The following GRIA4 variants were observed in gnomAD, a reference collection of about 807,000 sequenced individuals.
GRIA4 encodes glutamate receptor 4.
In GRIA4, 34 loss-of-function variants were observed where a neutral mutation model predicts 104.0. The ratio of observed to expected loss-of-function variants is 0.33; its 90% CI spans 0.25 to 0.44. The LOEUF is 0.44. GRIA4 is among the 20% of genes least tolerant of loss of function. The pLI, the probability that GRIA4 is intolerant of heterozygous loss-of-function variation, is 1.00. For synonymous variants in GRIA4, 386 were observed against 381.9 expected, an observed-to-expected ratio of 1.01 and a Z score of -0.13; for missense variants, 750 against 1,096.5, an observed-to-expected ratio of 0.68 and a Z score of 4.46.
At chr11:105,648,138 A>G (rs1234695506) in intron 3 of GRIA4, among the ~76,000 whole-genome samples, 1 of 151,986 alleles carries the variant, frequency 6.6e-6, no homozygotes, top group Non-Finnish European at 1.5e-5. Flanking sequence ...TAGAAGATAA[A>G]TGACATAGTG....
chr11:105,809,605 T>C (rs529188411), intron 4 of GRIA4, among the ~76,000 whole-genome samples: 1 of 152,190 alleles, frequency 6.6e-6, no homozygotes, highest in South Asian at 2.1e-4. Context: ...GTTCTCACAA[T>C]ATCTGATGGT....
intron 3 of GRIA4, among the ~76,000 whole-genome samples, chr11:105,634,353 C>CA (rs1267208067): frequency 0.056 from 2,765 of 49,648 alleles, 94 homozygotes; most frequent in African/African-American, 0.13. Flanking sequence ...TCTCCGTCTC[C>CA]AAAAAAAAAA....
At chr11:105,768,574 T>C (rs1941061596) in intron 4 of GRIA4, among the ~76,000 whole-genome samples, 2 of 152,048 alleles carry the variant, frequency 1.3e-5, no homozygotes, top group Admixed American at 1.3e-4. Flanking sequence ...TTTTCACAAA[T>C]AGAACTCACC....
intron 5 of GRIA4, among the ~76,000 whole-genome samples, chr11:105,878,512 C>T (rs1945919456): frequency 6.6e-6 from 1 of 152,186 alleles, no homozygotes; most frequent in Non-Finnish European, 1.5e-5. Flanking sequence ...AAGCTGTGCC[C>T]ACAGCCACCC....
chr11:105,884,070 T>C (rs890767448), intron 5 of GRIA4, among the ~76,000 whole-genome samples: 2 of 152,172 alleles, frequency 1.3e-5, no homozygotes, highest in Admixed American at 1.3e-4. Flanking sequence ...GAAGCACCGT[T>C]TCTTTCAAAA....
Position 105,633,578 on chromosome 11 carries a change from T to C in GRIA4, c.247+21144T>C, listed in dbSNP as rs182963628. Reference sequence around the variant, plus strand: ...AATTGCACTGGAGTTTAGAGACTATTAAAGAAAAACAAACTTATCTTCCAT... The same window carrying C: ...AATTGCACTGGAGTTTAGAGACTATCAAAGAAAAACAAACTTATCTTCCAT... On this transcript the variant is annotated intron_variant, in intron 3 of 16. Transcript: ENST00000282499. 4.2e-3 allele frequency among the ~76,000 whole-genome samples: 635 copies of C among 152,282 alleles called. 14 individuals are homozygous for C. Among genetic ancestry groups the C allele is most frequent in the Admixed American group, 5.2e-3 (80 of 15,300 alleles).
chr11:105,880,340 A>G (rs1946002230), intron 5 of GRIA4, among the ~76,000 whole-genome samples: 1 of 152,228 alleles, frequency 6.6e-6, no homozygotes, highest in Non-Finnish European at 1.5e-5. Flanking sequence ...AGGCAGAGAG[A>G]AGGATATACT....
intron 4 of GRIA4, among the ~76,000 whole-genome samples, chr11:105,854,558 C>T (rs977056242): frequency 4.6e-5 from 7 of 152,030 alleles, no homozygotes; most frequent in African/African-American, 1.4e-4. Context: ...TAGTGCAAAG[C>T]GGGCAAAGGT....
intron 10 of GRIA4, among the ~76,000 whole-genome samples, chr11:105,916,957 A>T (rs993577951): frequency 1.7e-4 from 26 of 152,072 alleles, no homozygotes; most frequent in South Asian, 6.2e-4. Flanking sequence ...AGGTTATTTT[A>T]AAAAAAAGAG....
At chr11:105,885,266 T>C (rs1946214081) in intron 5 of GRIA4, among the ~76,000 whole-genome samples, 1 of 152,148 alleles carries the variant, frequency 6.6e-6, no homozygotes, top group Admixed American at 6.5e-5. Context: ...ATCACTCAAG[T>C]CTAGATTGCC....
intron 3 of GRIA4, among the ~76,000 whole-genome samples, chr11:105,726,276 G>GA (rs930884829): frequency 2.0e-5 from 3 of 152,092 alleles, no homozygotes; most frequent in Non-Finnish European, 4.4e-5. Context: ...AACCCTCTGG[G>GA]AAGTACAAAC....
Position 105,918,876 on chromosome 11 carries a change from C to T in GRIA4, c.1434C>T (p.Asp478=). The part of the protein sequence containing the change: ...PDGKYGARDA[D]TKIWNGMVGE... Reference sequence around the variant, plus strand: ...GAAAATATGGAGCAAGGGATGCAGACACAAAAATCTGGAATGGGATGGTAG... The same window carrying T: ...GAAAATATGGAGCAAGGGATGCAGATACAAAAATCTGGAATGGGATGGTAG... The change falls in exon 11 of 17, where the codon GAC becomes GAT. Residue 478 remains aspartate, a synonymous_variant. Transcript: ENST00000282499. 6.2e-7 allele frequency: 1 copy of T among 1,611,300 alleles called. No individual in the cohort carries two copies. The highest frequency in any genetic ancestry group is 1.7e-4 in the Middle Eastern group (1 of 6,044).
intron 5 of GRIA4, among the ~76,000 whole-genome samples, chr11:105,879,081 T>A (rs1945949248): frequency 6.6e-6 from 1 of 152,158 alleles, no homozygotes; most frequent in South Asian, 2.1e-4. Flanking sequence ...GAGCGTAGTA[T>A]CTGGGACAGA....
rs1360501289 is a variant in GRIA4 at position 105,741,251 on chromosome 11, G to C, written c.248-11730G>C. Among the ~76,000 whole-genome samples the C allele has an allele frequency of 2.6e-5, 4 of 152,260 alleles. No homozygotes were observed. In the South Asian group the frequency reaches 6.2e-4, roughly 24 times the overall value. ...CAGAAAATAGAGAAAAGGTTTTGAGGGGGGGAAATGAAGGGTTCTGTTTTG... is the reference window on the plus strand; with the variant it reads ...CAGAAAATAGAGAAAAGGTTTTGAGCGGGGGAAATGAAGGGTTCTGTTTTG... On this transcript the variant is annotated intron_variant, in intron 3 of 16. Coordinates refer to ENST00000282499, the MANE Select transcript of GRIA4 (RefSeq NM_000829.4).
At chr11:105,733,173 C>T in intron 3 of GRIA4, among the ~76,000 whole-genome samples, 1 of 152,154 alleles carries the variant, frequency 6.6e-6, no homozygotes, top group East Asian at 1.9e-4. Flanking sequence ...TACATTTCTA[C>T]CTTGCTGTCA....
At chr11:105,707,577 A>G (rs1434297542) in intron 3 of GRIA4, 6 of 152,206 alleles carry the variant, frequency 3.9e-5, no homozygotes, top group Non-Finnish European at 8.8e-5. Flanking sequence ...TCCCATCCTT[A>G]GACTCACTAG....
intron 4 of GRIA4, among the ~76,000 whole-genome samples, chr11:105,782,157 TCTTTCC>T (rs1941757064): frequency 6.6e-6 from 1 of 152,206 alleles, no homozygotes; most frequent in Non-Finnish European, 1.5e-5. Context: ...AGTTCAGACA[TCTTTCC>T]CATAGGGAAA....
At chr11:105,799,981 C>T (rs1409583668) in intron 4 of GRIA4, among the ~76,000 whole-genome samples, 1 of 152,038 alleles carries the variant, frequency 6.6e-6, no homozygotes, top group African/African-American at 2.4e-5. Flanking sequence ...GAATGTGATA[C>T]ATTGGAGAGG....
At chr11:105,717,249 C>T (rs1250323135) in intron 3 of GRIA4, among the ~76,000 whole-genome samples, 1 of 151,988 alleles carries the variant, frequency 6.6e-6, no homozygotes, top group Non-Finnish European at 1.5e-5. Flanking sequence ...CATTTCAGAG[C>T]ATGGCAAGCT....
Sources: gnomAD v4.1 joint callset for allele counts (sites outside exome capture counted in the v4.1 genomes callset) on GRCh38, gnomAD v4.1.1 for gene constraint, MANE v1.5 for transcripts, NCBI Gene and HGNC (gene_info 2026-07-23, HGNC 2026-07-21) for gene names.